Variants in MERTK observed in about 807,000 individuals in gnomAD.
The protein encoded by MERTK is tyrosine-protein kinase Mer.
A neutral mutation model predicts 99.3 loss-of-function variants in MERTK; 69 were observed. That is an observed-to-expected ratio of 0.70 (90% CI 0.57 to 0.85). MERTK has a LOEUF of 0.85. Among genes scored for constraint, MERTK ranks in the 40% least tolerant of loss-of-function variants. The pLI is 0.00. For synonymous variants in MERTK, 426 were observed against 467.6 expected, an observed-to-expected ratio of 0.91 and a Z score of 1.15; for missense variants, 1,125 against 1,249.4, an observed-to-expected ratio of 0.90 and a Z score of 1.50.
At chr2:111,919,085 G>A (rs767039035) in intron 1 of MERTK, among the ~76,000 whole-genome samples, 12 of 152,300 alleles carry the variant, frequency 7.9e-5, no homozygotes, top group Non-Finnish European at 1.6e-4. Flanking sequence ...TGGCCTCTAC[G>A]TGGCTGAGCT....
At chr2:111,931,634 C>A (rs1023523866) in intron 2 of MERTK, among the ~76,000 whole-genome samples, 1 of 149,718 alleles carries the variant, frequency 6.7e-6, no homozygotes, top group Non-Finnish European at 1.5e-5. Context: ...TGCAGTAAGC[C>A]AAGATTGCAC....
intron 5 of MERTK, 68 bp downstream of exon 5, chr2:111,965,345 G>C: frequency 1.3e-6 from 2 of 1,505,210 alleles, no homozygotes. Flanking sequence ...TGAGCTTGCA[G>C]CTGGCTGCCT....
chr2:111,912,526 T>C (rs762186641), intron 1 of MERTK, among the ~76,000 whole-genome samples: 4 of 152,158 alleles, frequency 2.6e-5, no homozygotes, highest in African/African-American at 4.8e-5. Flanking sequence ...TATGGACATG[T>C]GTGAGTCTAG....
intron 1 of MERTK, among the ~76,000 whole-genome samples, chr2:111,926,484 T>C (rs1338429729): frequency 2.6e-5 from 4 of 152,082 alleles, no homozygotes; most frequent in African/African-American, 9.7e-5. Context: ...ATCCCAGCAC[T>C]TTGGGAGGCC....
chr2:111,950,784 T>A (rs1210836858), intron 4 of MERTK, among the ~76,000 whole-genome samples: 4 of 152,208 alleles, frequency 2.6e-5, no homozygotes, highest in African/African-American at 9.6e-5. Context: ...AGAATCCACT[T>A]GACAATGTTT....
chr2:111,899,361 A>G (rs953842012), intron 1 of MERTK, among the ~76,000 whole-genome samples: 5 of 152,184 alleles, frequency 3.3e-5, no homozygotes, highest in East Asian at 1.9e-4. Flanking sequence ...GCTGCTCCCA[A>G]TGGGCCCTTA....
chr2:111,902,696 A>T (rs1684066178), intron 1 of MERTK, among the ~76,000 whole-genome samples: 1 of 151,990 alleles, frequency 6.6e-6, no homozygotes, highest in Admixed American at 6.6e-5. Context: ...CCCCTGCCAA[A>T]GTATCATATG....
rs200258699 is a variant in MERTK, at chr2:112,020,529, T to G, written c.2190-893T>G. On this transcript the variant is annotated intron_variant, in intron 16 of 18. Transcript: ENST00000295408. Reference sequence around the variant, plus strand: ...TCTTTCTTCTCCTCTTCCTTCTTCTTGTGTAGGAGCTGTTTTAGTAGCTTG... The same window carrying G: ...TCTTTCTTCTCCTCTTCCTTCTTCTGGTGTAGGAGCTGTTTTAGTAGCTTG... 10 of 465,948 alleles carry G rather than the reference T, an allele frequency of 2.1e-5. No homozygotes were observed. The East Asian group carries it at 7.0e-4, about 32-fold the overall frequency. 28.9% of individuals were successfully genotyped at this position (465,948 alleles called of 1,614,324 possible). A position where few individuals can be genotyped will look rare whatever the true frequency, so the allele number is the denominator to read the frequency against.
At chr2:112,022,129 G>A (rs559401576) in intron 17 of MERTK, 129 bp from the exon 18 acceptor site, 46 of 1,273,042 alleles carry the variant, frequency 3.6e-5, no homozygotes, top group Middle Eastern at 2.4e-4. Context: ...AGAGCAGTGC[G>A]TCTCACACAT....
intron 18 of MERTK, among the ~76,000 whole-genome samples, chr2:112,026,637 T>G (rs997664419): frequency 2.0e-5 from 3 of 152,184 alleles, no homozygotes; most frequent in Non-Finnish European, 4.4e-5. Context: ...GACAGGGAAA[T>G]GCGCCGTGCC....
At chr2:111,917,193 G>A in intron 1 of MERTK, among the ~76,000 whole-genome samples, 1 of 152,170 alleles carries the variant, frequency 6.6e-6, no homozygotes, top group East Asian at 1.9e-4. Flanking sequence ...GCTGGGTGGG[G>A]ATGGAAGGCC....
intron 2 of MERTK, among the ~76,000 whole-genome samples, chr2:111,938,521 T>G (rs1684804001): frequency 1.3e-5 from 2 of 152,352 alleles, no homozygotes; most frequent in East Asian, 1.9e-4. Context: ...TGGTAAGGAC[T>G]GAGGGTTAGA....
Position 111,982,959 on chromosome 2 carries a change from G to T in MERTK, c.1262G>T (p.Arg421Leu), listed in dbSNP as rs138908058. 1 of 1,614,018 alleles carries T rather than the reference G, an allele frequency of 6.2e-7. No homozygotes were observed. Among genetic ancestry groups the T allele is most frequent in the Non-Finnish European group, 8.5e-7 (1 of 1,180,016 alleles). Reference protein sequence around the residue: ...KQQDGELVGYRISHVWQSAGI... With the variant: ...KQQDGELVGYLISHVWQSAGI... ...CAGGATGGAGAACTGGTGGGCTACC[G>T]GATATCCCACGTGTGGCAGAGTGCA... The change falls in exon 8 of 19, where the codon CGG becomes CTG. Residue 421 changes from arginine (R) to leucine (L), a missense_variant. By Grantham distance (102) the Arg-to-Leu change is moderately radical. Transcript: ENST00000295408.
intron 1 of MERTK, among the ~76,000 whole-genome samples, chr2:111,909,676 G>A (rs965698216): frequency 1.3e-5 from 2 of 152,280 alleles, no homozygotes; most frequent in African/African-American, 4.8e-5. Context: ...TAGACATATA[G>A]CTTAGAAGGT....
chr2:111,936,225 A>C (rs1684763047), intron 2 of MERTK, among the ~76,000 whole-genome samples: 1 of 151,994 alleles, frequency 6.6e-6, no homozygotes, highest in Non-Finnish European at 1.5e-5. Context: ...AAGTCTTCAA[A>C]ATATTTTAAG....
chr2:111,987,377 A>G (rs1422860753), intron 8 of MERTK, among the ~76,000 whole-genome samples: 1 of 152,140 alleles, frequency 6.6e-6, no homozygotes, highest in African/African-American at 2.4e-5. Context: ...TTTTTGTTCT[A>G]TTTTTCTTGC....
rs145602430 is a variant in MERTK, at chr2:111,968,148, C to T, written c.856C>T (p.Pro286Ser). 3.1e-6 allele frequency: 5 copies of T among 1,613,360 alleles called. No homozygotes were observed. In the African/African-American group the frequency reaches 6.7e-5, roughly 22 times the overall value. Residue 286 changes from proline to serine, a missense_variant, in exon 6 of 19, where the codon CCA becomes TCA. By Grantham distance (74) the Pro-to-Ser change is moderately conservative (BLOSUM62 -1). Coordinates refer to ENST00000295408, the MANE Select transcript of MERTK (RefSeq NM_006343.3). The stretch of plus-strand genomic sequence containing the variant: ...TTTGTTTTATGCAGCAATTCCCTCC[C>T]CACCAACTGAAGTCAGCATCCGTAA... ...VQINIKAIPSPPTEVSIRNST... is the reference protein window; with the variant it reads ...VQINIKAIPSSPTEVSIRNST...
chr2:112,017,374 C>CT, intron 15 of MERTK, among the ~76,000 whole-genome samples: 1 of 152,132 alleles, frequency 6.6e-6, no homozygotes, highest in South Asian at 2.1e-4. Flanking sequence ...GAAAAGTTCT[C>CT]TAAGTCCCCA....
chr2:112,003,396 CATACAGGTCCTT>C (rs1676909715), intron 12 of MERTK: 1 of 440,732 alleles, frequency 2.3e-6, no homozygotes, highest in African/African-American at 2.0e-5. Flanking sequence ...ATGCCTAGCA[CATACAGGTCCTT>C]GAAAAATATT....
Sources: gnomAD v4.1 joint callset for allele counts (sites outside exome capture counted in the v4.1 genomes callset) on GRCh38, gnomAD v4.1.1 for gene constraint, MANE v1.5 for transcripts, NCBI Gene and HGNC (gene_info 2026-07-23, HGNC 2026-07-21) for gene names.